LRRC37A2: variants seen among roughly 807,000 people sequenced by gnomAD.
LRRC37A2 encodes the protein leucine-rich repeat-containing protein 37A2.
LRRC37A2 carries 9 observed loss-of-function variants against 68.8 expected under a neutral mutation model. The observed-to-expected ratio is 0.13, with a 90% confidence interval of 0.08 to 0.23. The LOEUF is 0.23. Ranked by LOEUF, LRRC37A2 falls within the 10% of genes least tolerant of loss-of-function variation. The probability of loss-of-function intolerance (pLI) is 1.00; values close to 1 mark genes in which losing one functional copy is unlikely to be tolerated. For synonymous variants in LRRC37A2, 63 were observed against 367.6 expected, an observed-to-expected ratio of 0.17 and a Z score of 9.48; for missense variants, 168 against 950.4, an observed-to-expected ratio of 0.18 and a Z score of 10.82.
chr17:46,889,357 C>A, the LRRC37A2 span, among the ~76,000 whole-genome samples: 1 of 152,038 alleles, frequency 6.6e-6, no homozygotes, highest in African/African-American at 2.4e-5. Flanking sequence ...GCATGTCTGA[C>A]CCCCAGAGAG....
At chr17:46,875,116 C>G in the LRRC37A2 span, 4 of 1,613,876 alleles carry the variant, frequency 2.5e-6, no homozygotes, top group Non-Finnish European at 3.4e-6. Context: ...AAAGAGACAG[C>G]TTTCCTGTAC....
At chr17:46,836,585 A>G in the LRRC37A2 span, among the ~76,000 whole-genome samples, 7 of 152,324 alleles carry the variant, frequency 4.6e-5, no homozygotes, top group South Asian at 1.5e-3. Flanking sequence ...CAGTTGGGAG[A>G]AATAAGTAGG....
chr17:46,502,608 G>C, the LRRC37A2 span, among the ~76,000 whole-genome samples: 1 of 151,262 alleles, frequency 6.6e-6, no homozygotes, highest in Admixed American at 6.6e-5. Context: ...GGCCTTAAGT[G>C]TTCTTTTCTA....
chr17:46,935,043 C>T, the LRRC37A2 span: 1 of 1,612,824 alleles, frequency 6.2e-7, no homozygotes, highest in Non-Finnish European at 8.5e-7. Context: ...CTGACACCAC[C>T]ATACCAATGG....
the LRRC37A2 span, chr17:46,936,051 T>C: frequency 2.0e-5 from 20 of 985,760 alleles, no homozygotes; most frequent in Middle Eastern, 5.2e-4. Context: ...GTCCCTGCCA[T>C]CTCTACGGGG....
At chr17:46,713,926 C>G in the LRRC37A2 span, 1 of 1,611,682 alleles carries the variant, frequency 6.2e-7, no homozygotes. Context: ...TCATCAAGAT[C>G]TGTTCTCCTG....
the LRRC37A2 span, among the ~76,000 whole-genome samples, chr17:46,737,580 T>C: frequency 2.0e-5 from 3 of 151,372 alleles, no homozygotes; most frequent in East Asian, 1.9e-4. Flanking sequence ...TGCGTGTGTG[T>C]GTGTGTGTGT....
the LRRC37A2 span, among the ~76,000 whole-genome samples, chr17:46,913,014 T>C: frequency 6.6e-6 from 1 of 152,216 alleles, no homozygotes; most frequent in South Asian, 2.1e-4. Flanking sequence ...TGGTGATGCC[T>C]GTCCTGCCTC....
At chr17:46,444,512 C>T in the LRRC37A2 span, among the ~76,000 whole-genome samples, 1 of 98,824 alleles carries the variant, frequency 1.0e-5, no homozygotes, top group African/African-American at 4.3e-5. Context: ...TCAGGTGATC[C>T]ACCCGCCTCG....
chr17:46,812,289 C>G, the LRRC37A2 span, among the ~76,000 whole-genome samples: 1 of 152,188 alleles, frequency 6.6e-6, no homozygotes, highest in African/African-American at 2.4e-5. Context: ...GGGGAGGAGG[C>G]AGAAGTCTGG....
the LRRC37A2 span, among the ~76,000 whole-genome samples, chr17:46,850,886 G>T: frequency 6.6e-6 from 1 of 152,030 alleles, no homozygotes; most frequent in Non-Finnish European, 1.5e-5. Flanking sequence ...GGATTTCTGC[G>T]CTGGGGAACA....
At chr17:47,025,565 C>T in the LRRC37A2 span, among the ~76,000 whole-genome samples, 1 of 151,754 alleles carries the variant, frequency 6.6e-6, no homozygotes, top group Non-Finnish European at 1.5e-5. Context: ...CAGAAATGCC[C>T]CTAACTCTTC....
At chr17:46,859,625 A>G in the LRRC37A2 span, among the ~76,000 whole-genome samples, 1 of 152,234 alleles carries the variant, frequency 6.6e-6, no homozygotes, top group Admixed American at 6.5e-5. Context: ...ACTAAGTACT[A>G]TAAGTTCTCT....
At chr17:46,726,602 T>C in the LRRC37A2 span, 8 of 1,613,734 alleles carry the variant, frequency 5.0e-6, no homozygotes, top group African/African-American at 1.3e-5. Context: ...TGGATGACAT[T>C]GAGAGATTGC....
the LRRC37A2 span, among the ~76,000 whole-genome samples, chr17:46,827,813 C>CT: frequency 0.14 from 19,956 of 141,948 alleles, 1,481 homozygotes; most frequent in Middle Eastern, 0.17. Flanking sequence ...AAATTTCTTT[C>CT]TTTTTTTTTT....
the LRRC37A2 span, among the ~76,000 whole-genome samples, chr17:46,625,949 A>G: frequency 2.1e-5 from 3 of 145,808 alleles, 1 homozygote; most frequent in Middle Eastern, 6.9e-3. Flanking sequence ...TATCTTACAC[A>G]TAGTACTTTT....
chr17:46,994,932 G>C, the LRRC37A2 span, among the ~76,000 whole-genome samples: 1 of 152,160 alleles, frequency 6.6e-6, no homozygotes, highest in African/African-American at 2.4e-5. Flanking sequence ...GACCCGCCTG[G>C]GCAACATGGT....
the LRRC37A2 span, among the ~76,000 whole-genome samples, chr17:46,569,554 GAGAAAAAACATTCT>G: frequency 7.7e-6 from 1 of 130,628 alleles, no homozygotes; most frequent in African/African-American, 3.2e-5. Context: ...GCACTACTTT[GAGAAAAAACATTCT>G]AAAATCTATA....
chr17:46,931,651 G>GCCACCT, the LRRC37A2 span: 1 of 227,722 alleles, frequency 4.4e-6, no homozygotes, highest in Middle Eastern at 1.4e-3. Flanking sequence ...AACCACCCTT[G>GCCACCT]CCACCTCCAC....
Sources: allele counts gnomAD v4.1 joint callset (sites outside exome capture counted in the v4.1 genomes callset), GRCh38; gene constraint gnomAD v4.1.1; transcripts MANE v1.5; gene names NCBI Gene and HGNC (gene_info 2026-07-23, HGNC 2026-07-21).